C9: variants seen among roughly 807,000 people sequenced by gnomAD.
C9 encodes the protein complement component C9.
Under a neutral mutation model 65.4 loss-of-function variants are expected in C9, and 63 were observed. The ratio of observed to expected loss-of-function variants is 0.96; its 90% CI spans 0.79 to 1.19. The LOEUF is 1.19. C9 is among the 50% of genes most tolerant of loss of function. C9 has a pLI of 0.00. For synonymous variants in C9, 229 were observed against 227.9 expected, an observed-to-expected ratio of 1.00 and a Z score of -0.04; for missense variants, 744 against 670.1, an observed-to-expected ratio of 1.11 and a Z score of -1.22.
At chr5:39,316,093 A>G in intron 5 of C9, 64 bp from the exon 6 acceptor site, 1 of 1,385,276 alleles carries the variant, frequency 7.2e-7, no homozygotes, top group Non-Finnish European at 1.0e-6. Context: ...AACAAGCAGA[A>G]CAGAACCAAA....
intron 6 of C9, among the ~76,000 whole-genome samples, chr5:39,314,247 C>T (rs914591408): frequency 2.0e-5 from 3 of 151,928 alleles, no homozygotes; most frequent in Non-Finnish European, 2.9e-5. Flanking sequence ...GTTGGTAGTT[C>T]GAGACCAGCC....
Position 39,288,743 on chromosome 5 carries a change from C to T in C9, c.1625G>A (p.Ser542Asn), listed in dbSNP as rs376866889. The T allele has an allele frequency of 1.2e-6, 2 of 1,609,442 alleles. No individual in the cohort carries two copies. Among genetic ancestry groups the T allele is most frequent in the Non-Finnish European group, 1.7e-6 (2 of 1,176,356 alleles). ...CTCACCTTCAGAAATTTTTTGTTTACTGATTTCACAGGCAATTCCCTCAAA... is the reference window on the plus strand; with the variant it reads ...CTCACCTTCAGAAATTTTTTGTTTATTGATTTCACAGGCAATTCCCTCAAA... ...FKFEGIACEI[S>N]KQKISEGLPA... Residue 542 changes from serine to asparagine, a missense_variant, in exon 10 of 11, where the codon AGT (serine) becomes AAT (asparagine). Ser to Asn is a conservative substitution (Grantham distance 46, BLOSUM62 1). Transcript: ENST00000263408.
At chr5:39,352,839 T>G (rs1754346257) in intron 1 of C9, among the ~76,000 whole-genome samples, 1 of 150,828 alleles carries the variant, frequency 6.6e-6, no homozygotes, top group African/African-American at 2.5e-5. Context: ...TCTAAGTTTT[T>G]TTTTTTTTTT....
rs1753549092 is a variant in C9, at chr5:39,315,212, C to T, written c.870+563G>A. ...AAAGGAAGAATGAGCATTTTACTGG[C>T]GTCATGCTGATTACAGAGAGTATAT... is the stretch of plus-strand genomic sequence containing the variant. On this transcript the variant is annotated intron_variant, in intron 6 of 10. Coordinates refer to ENST00000263408, the MANE Select transcript of C9 (RefSeq NM_001737.5). Among the ~76,000 whole-genome samples the T allele has an allele frequency of 3.9e-5, 6 of 152,186 alleles. No homozygotes were observed. In the South Asian group the frequency reaches 1.2e-3, roughly 32 times the overall value.
At chr5:39,302,114 A>C (rs914264989) in intron 9 of C9, among the ~76,000 whole-genome samples, 1 of 152,146 alleles carries the variant, frequency 6.6e-6, no homozygotes, top group African/African-American at 2.4e-5. Flanking sequence ...GATGAAGGAC[A>C]TGCAATGGCA....
chr5:39,285,007 A>G lies in C9; in HGVS notation c.*192T>C. On this transcript the variant is annotated 3_prime_UTR_variant, in exon 11 of 11. Coordinates refer to ENST00000263408, the MANE Select transcript of C9 (RefSeq NM_001737.5). ...TTCTCATTAGGGAACAAAAAATGGA[A>G]ACATCACAGGAGTTTAAGGAAGAAA... 1.8e-6 allele frequency: 1 copy of G among 544,606 alleles called. No homozygotes were observed. The highest frequency in any genetic ancestry group is 2.9e-5 in the South Asian group (1 of 34,884). 33.7% of individuals were successfully genotyped at this position (544,606 alleles called of 1,614,324 possible).
At chr5:39,300,036 T>C (rs1050516357) in intron 9 of C9, among the ~76,000 whole-genome samples, 1 of 152,120 alleles carries the variant, frequency 6.6e-6, no homozygotes, top group Non-Finnish European at 1.5e-5. Context: ...AGGTTAGAGA[T>C]TTTTATCTCT....
intron 5 of C9, among the ~76,000 whole-genome samples, chr5:39,327,064 A>C (rs538168118): frequency 7.0e-6 from 1 of 143,558 alleles, no homozygotes; most frequent in African/African-American, 3.0e-5. Context: ...AATATATACC[A>C]AATAGAGAAA....
chr5:39,331,590 GT>G, intron 5 of C9, 85 bp downstream of exon 5: 1 of 1,117,312 alleles, frequency 9.0e-7, no homozygotes, highest in South Asian at 1.2e-5. Context: ...ATTCTACTGA[GT>G]TTTTCACATT....
At chr5:39,293,992 T>A (rs1222564766) in intron 9 of C9, among the ~76,000 whole-genome samples, 1 of 151,912 alleles carries the variant, frequency 6.6e-6, no homozygotes, top group Non-Finnish European at 1.5e-5. Context: ...GGAAATGTTT[T>A]AAATTTCTTG....
chr5:39,293,898 G>C (rs527549397), intron 9 of C9, among the ~76,000 whole-genome samples: 1 of 151,938 alleles, frequency 6.6e-6, no homozygotes, highest in African/African-American at 2.4e-5. Context: ...TCAATAATCA[G>C]GGAAACTTTG....
chr5:39,290,415 A>C (rs1375133446), intron 9 of C9, among the ~76,000 whole-genome samples: 3 of 151,670 alleles, frequency 2.0e-5, no homozygotes, highest in Non-Finnish European at 4.4e-5. Context: ...AAGAGACCAC[A>C]AAACTTAAAA....
intron 1 of C9, among the ~76,000 whole-genome samples, chr5:39,349,053 A>G (rs1352259294): frequency 6.6e-6 from 1 of 152,034 alleles, no homozygotes; most frequent in Non-Finnish European, 1.5e-5. Flanking sequence ...GGAACGCATT[A>G]GGAGATATAC....
At chr5:39,345,338 C>A (rs138460438) in intron 1 of C9, among the ~76,000 whole-genome samples, 41 of 151,930 alleles carry the variant, frequency 2.7e-4, no homozygotes, top group African/African-American at 6.8e-4. Flanking sequence ...ATCTACCAAG[C>A]AAATGAAAAA....
chr5:39,341,045 T>TA lies in C9; in HGVS notation c.476+100dup, dbSNP rs1754067002. On this transcript the variant is annotated intron_variant, in intron 4 of 10. Transcript: ENST00000263408. ...ATACAGACCCATCAGCTGTATCACC[T>TA]ATGTCCCTCGCACAAATGCTTCTAC... The TA allele has an allele frequency of 2.3e-6, 3 of 1,287,436 alleles. No individual in the cohort carries two copies. The African/African-American group carries it at 4.4e-5, about 19-fold the overall frequency. 79.8% of individuals were successfully genotyped at this position (1,287,436 alleles called of 1,614,324 possible). A position where few individuals can be genotyped will look rare whatever the true frequency, so the allele number is the denominator to read the frequency against.
intron 9 of C9, among the ~76,000 whole-genome samples, chr5:39,299,038 C>T (rs1753236797): frequency 6.6e-6 from 1 of 151,900 alleles, no homozygotes; most frequent in Non-Finnish European, 1.5e-5. Context: ...AGGGAACTTC[C>T]TCAACCTGAT....
chr5:39,329,342 T>C (rs578082192), intron 5 of C9, among the ~76,000 whole-genome samples: 3 of 152,366 alleles, frequency 2.0e-5, no homozygotes, highest in Non-Finnish European at 4.4e-5. Flanking sequence ...GAGGGCTTGC[T>C]ATATGCCAGT....
At chr5:39,330,066 C>G (rs561377001) in intron 5 of C9, among the ~76,000 whole-genome samples, 5 of 152,308 alleles carry the variant, frequency 3.3e-5, no homozygotes, top group African/African-American at 9.6e-5. Flanking sequence ...AATAAATATT[C>G]AAGTCCACAA....
At chr5:39,315,658 T>C (rs1464865810) in intron 6 of C9, 117 bp downstream of exon 6, 3 of 762,812 alleles carry the variant, frequency 3.9e-6, no homozygotes, top group African/African-American at 3.5e-5. Flanking sequence ...AGCTACATAT[T>C]TGAGAATTTG....
Sources: gnomAD v4.1 joint callset for allele counts (sites outside exome capture counted in the v4.1 genomes callset) on GRCh38, gnomAD v4.1.1 for gene constraint, MANE v1.5 for transcripts, NCBI Gene and HGNC (gene_info 2026-07-23, HGNC 2026-07-21) for gene names.